Variants in BTRC observed in about 807,000 individuals in gnomAD.
BTRC encodes F-box/WD repeat-containing protein 1A.
BTRC carries 42 observed loss-of-function variants against 85.5 expected under a neutral mutation model. The ratio of observed to expected loss-of-function variants is 0.49; its 90% CI spans 0.38 to 0.64. The LOEUF is 0.64. Ranked by LOEUF, BTRC falls within the 30% of genes least tolerant of loss-of-function variation. The probability of loss-of-function intolerance (pLI) is 0.00; values close to 1 mark genes in which losing one functional copy is unlikely to be tolerated. For missense variants in BTRC, 594 were observed against 743.5 expected, an observed-to-expected ratio of 0.80 and a Z score of 2.34; for synonymous variants, 255 against 263.3, an observed-to-expected ratio of 0.97 and a Z score of 0.30.
At chr10:101,355,307 C>T (rs1418094195) in intron 1 of BTRC, among the ~76,000 whole-genome samples, 1 of 152,098 alleles carries the variant, frequency 6.6e-6, no homozygotes, top group Non-Finnish European at 1.5e-5. Flanking sequence ...TGTGGTTACC[C>T]GTCAGTTTTA....
intron 4 of BTRC, among the ~76,000 whole-genome samples, chr10:101,507,809 A>G (rs1408776042): frequency 6.6e-6 from 1 of 152,218 alleles, no homozygotes; most frequent in Non-Finnish European, 1.5e-5. Context: ...GCCTATTTCA[A>G]TCATTTCTTA....
chr10:101,393,180 G>A (rs1357259551), intron 1 of BTRC, among the ~76,000 whole-genome samples: 1 of 152,188 alleles, frequency 6.6e-6, no homozygotes, highest in East Asian at 1.9e-4. Flanking sequence ...TCCCTGGAGG[G>A]TGGTGTGCCC....
Position 101,429,411 on chromosome 10 carries a change from A to G in BTRC, c.49-934A>G, listed in dbSNP as rs531490175. Among the ~76,000 whole-genome samples the G allele has an allele frequency of 3.9e-5, 6 of 152,080 alleles. No individual in the cohort carries two copies. The East Asian group carries it at 5.8e-4, about 15-fold the overall frequency. On this transcript the variant is annotated intron_variant, in intron 1 of 14. Coordinates refer to ENST00000370187, the MANE Select transcript of BTRC (RefSeq NM_033637.4). ...ACTGAATATACCATATGTATTATAT[A>G]TATGTACATTCTTAGGTATTTTTGT...
intron 13 of BTRC, among the ~76,000 whole-genome samples, chr10:101,544,403 G>A (rs924426554): frequency 1.5e-5 from 2 of 130,046 alleles, no homozygotes; most frequent in Admixed American, 8.2e-5. Flanking sequence ...GTTTACTTGG[G>A]AAAGTTTTTT....
chr10:101,512,242 T>C (rs551193621), intron 4 of BTRC, among the ~76,000 whole-genome samples: 4 of 152,364 alleles, frequency 2.6e-5, no homozygotes, highest in Non-Finnish European at 5.9e-5. Context: ...TTGCCTATTT[T>C]ATTCTTAAAT....
intron 2 of BTRC, among the ~76,000 whole-genome samples, chr10:101,436,622 A>AT (rs1944536257): frequency 7.2e-6 from 1 of 138,688 alleles, no homozygotes; most frequent in African/African-American, 2.8e-5. Flanking sequence ...TTCAATTAAA[A>AT]AAAATAGATA....
chr10:101,431,181 A>G (rs1175753729), intron 2 of BTRC, among the ~76,000 whole-genome samples: 2 of 150,684 alleles, frequency 1.3e-5, no homozygotes, highest in African/African-American at 2.4e-5. Context: ...GGTTCAAGCA[A>G]TTCTCCTGCC....
intron 4 of BTRC, among the ~76,000 whole-genome samples, chr10:101,507,449 G>A (rs777851060): frequency 5.9e-5 from 9 of 152,194 alleles, no homozygotes; most frequent in Non-Finnish European, 1.2e-4. Flanking sequence ...GCTCCGATCC[G>A]GGGAAATGAT....
Position 101,532,797 on chromosome 10 carries a change from T to TGCGCGCGCGC in BTRC, c.979-150_979-141dup, listed in dbSNP as rs5787439. On this transcript the variant is annotated intron_variant, in intron 8 of 14. Transcript: ENST00000370187. The stretch of plus-strand genomic sequence containing the variant: ...GTGTGTGTGTGTGTGTGTGCGCGTG[T>TGCGCGCGCGC]GCGCGCGCGCGCGCTTAGCTATACC... 2.1e-5 allele frequency among the ~76,000 whole-genome samples: 3 copies of TGCGCGCGCGC among 141,282 alleles called. No homozygotes were observed. In the South Asian group the frequency reaches 6.6e-4, roughly 31 times the overall value. The allele number at this position is 141,282 out of a possible 152,430, so 92.7% of individuals were successfully genotyped here.
At chr10:101,355,308 G>C (rs1942002772) in intron 1 of BTRC, among the ~76,000 whole-genome samples, 1 of 152,200 alleles carries the variant, frequency 6.6e-6, no homozygotes, top group Non-Finnish European at 1.5e-5. Flanking sequence ...GTGGTTACCC[G>C]TCAGTTTTAG....
chr10:101,390,393 A>G (rs1360213581), intron 1 of BTRC, among the ~76,000 whole-genome samples: 1 of 143,262 alleles, frequency 7.0e-6, no homozygotes, highest in African/African-American at 2.6e-5. Context: ...GCTGGAGTGC[A>G]GTGGTGCAAT....
intron 2 of BTRC, among the ~76,000 whole-genome samples, chr10:101,435,669 CT>C (rs896995772): frequency 4.6e-5 from 7 of 151,400 alleles, no homozygotes; most frequent in African/African-American, 7.3e-5. Flanking sequence ...TTGTATAAGT[CT>C]TTTTTTTGGC....
At chr10:101,414,524 G>A (rs1380322240) in intron 1 of BTRC, 2 of 373,716 alleles carry the variant, frequency 5.4e-6, no homozygotes, top group African/African-American at 4.3e-5. Flanking sequence ...TTATTTTAGA[G>A]TGGGCTACTT....
chr10:101,463,620 T>G (rs1176428463), intron 3 of BTRC, among the ~76,000 whole-genome samples: 7 of 152,042 alleles, frequency 4.6e-5, no homozygotes, highest in Non-Finnish European at 4.4e-5. Flanking sequence ...AACATGATGC[T>G]TATTTGATTT....
intron 4 of BTRC, among the ~76,000 whole-genome samples, chr10:101,495,939 A>G (rs1946247854): frequency 6.6e-6 from 1 of 152,048 alleles, no homozygotes; most frequent in South Asian, 2.1e-4. Flanking sequence ...GGTAAACATT[A>G]TCCTCACTTC....
chr10:101,404,305 C>T (rs966741545), intron 1 of BTRC, among the ~76,000 whole-genome samples: 8 of 151,764 alleles, frequency 5.3e-5, no homozygotes, highest in African/African-American at 1.9e-4. Context: ...GCTGGGATTA[C>T]AGGTGTGAGC....
rs185523234 is a variant in BTRC, at chr10:101,415,567, G to A, written c.49-14778G>A. Among the ~76,000 whole-genome samples, 29 of 138,266 alleles carry A rather than the reference G, an allele frequency of 2.1e-4. No homozygotes were observed. In the East Asian group the frequency reaches 4.9e-3, roughly 23 times the overall value. 90.7% of individuals were successfully genotyped at this position (138,266 alleles called of 152,430 possible). ...TTATGTTATGTTATTTTGAGACAGA[G>A]TTTCACTCTTGTTGCCCATGCTGGA... is the stretch of plus-strand genomic sequence containing the variant. On this transcript the variant is annotated intron_variant, in intron 1 of 14. Coordinates refer to ENST00000370187, the MANE Select transcript of BTRC (RefSeq NM_033637.4).
chr10:101,473,290 T>C (rs1426484301), intron 3 of BTRC, among the ~76,000 whole-genome samples: 7 of 151,532 alleles, frequency 4.6e-5, no homozygotes, highest in Non-Finnish European at 8.8e-5. Context: ...CCAGTAAATT[T>C]TTTGATTTTT....
chr10:101,516,035 T>G (rs2062019349), intron 4 of BTRC, among the ~76,000 whole-genome samples: 1 of 152,170 alleles, frequency 6.6e-6, no homozygotes, highest in African/African-American at 2.4e-5. Context: ...TTGTGAAAAT[T>G]AGTTGAGTAC....
Sources: allele counts gnomAD v4.1 joint callset (sites outside exome capture counted in the v4.1 genomes callset), GRCh38; gene constraint gnomAD v4.1.1; transcripts MANE v1.5; gene names NCBI Gene and HGNC (gene_info 2026-07-23, HGNC 2026-07-21).